The following NSMCE2 variants were observed in gnomAD, a reference collection of about 807,000 sequenced individuals.
The protein encoded by NSMCE2 is E3 SUMO-protein ligase NSE2.
Under a neutral mutation model 23.8 loss-of-function variants are expected in NSMCE2, and 24 were observed. The ratio of observed to expected loss-of-function variants is 1.01; its 90% CI spans 0.73 to 1.42. NSMCE2 has a LOEUF of 1.42. Ranked by LOEUF, NSMCE2 falls within the 40% of genes most tolerant of loss-of-function variation. The pLI, the probability that NSMCE2 is intolerant of heterozygous loss-of-function variation, is 0.00. For synonymous variants in NSMCE2, 92 were observed against 94.1 expected, an observed-to-expected ratio of 0.98 and a Z score of 0.13; for missense variants, 284 against 296.5, an observed-to-expected ratio of 0.96 and a Z score of 0.31.
chr8:125,205,616 A>G (rs192714550), intron 5 of NSMCE2, among the ~76,000 whole-genome samples: 1 of 152,190 alleles, frequency 6.6e-6, no homozygotes, highest in Non-Finnish European at 1.5e-5. Flanking sequence ...ATCTTACTCC[A>G]TTTTCAGAAT....
At chr8:125,318,192 T>C (rs771805636) in intron 5 of NSMCE2, among the ~76,000 whole-genome samples, 8 of 152,202 alleles carry the variant, frequency 5.3e-5, no homozygotes, top group Middle Eastern at 3.2e-3. Context: ...GTGCATCACT[T>C]GATCTCAGGA....
At chr8:125,348,948 A>G (rs2131345583) in intron 5 of NSMCE2, 1 of 151,750 alleles carries the variant, frequency 6.6e-6, no homozygotes, top group East Asian at 2.0e-4. Context: ...CACCAGTCCC[A>G]TGAGGAAACT....
intron 5 of NSMCE2, among the ~76,000 whole-genome samples, chr8:125,275,460 A>G (rs1827413020): frequency 6.6e-6 from 1 of 152,272 alleles, no homozygotes; most frequent in Admixed American, 6.5e-5. Context: ...TCCAGCAGGT[A>G]AGAACGTGCC....
chr8:125,177,166 T>A (rs1822539983), intron 4 of NSMCE2, among the ~76,000 whole-genome samples: 1 of 152,216 alleles, frequency 6.6e-6, no homozygotes, highest in South Asian at 2.1e-4. Flanking sequence ...AGAATAAAAG[T>A]TTTTGATCAT....
chr8:125,219,742 G>A (rs1016812505), intron 5 of NSMCE2, among the ~76,000 whole-genome samples: 1 of 152,166 alleles, frequency 6.6e-6, no homozygotes, highest in Non-Finnish European at 1.5e-5. Context: ...TTAATAAAAT[G>A]TCACTGAAGT....
intron 5 of NSMCE2, among the ~76,000 whole-genome samples, chr8:125,213,239 C>T (rs142368781): frequency 1.3e-5 from 2 of 152,206 alleles, no homozygotes; most frequent in Admixed American, 1.3e-4. Context: ...CAAAATGAAT[C>T]GTGCCATTGG....
At chr8:125,205,425 A>G (rs1379807445) in intron 5 of NSMCE2, among the ~76,000 whole-genome samples, 1 of 152,202 alleles carries the variant, frequency 6.6e-6, no homozygotes, top group Non-Finnish European at 1.5e-5. Context: ...CTCATAATCT[A>G]ATATTTGACA....
intron 5 of NSMCE2, among the ~76,000 whole-genome samples, chr8:125,249,183 A>T (rs565666092): frequency 1.3e-5 from 2 of 152,216 alleles, no homozygotes; most frequent in South Asian, 4.2e-4. Flanking sequence ...AAAAAAAAAA[A>T]AATAGGCAGA....
rs373452171 is a variant in NSMCE2, at chr8:125,317,078, C to G, written c.419-40141C>G. Among the ~76,000 whole-genome samples the G allele has an allele frequency of 5.2e-4, 78 of 151,276 alleles. No homozygotes were observed. The East Asian group carries it at 0.012, about 23-fold the overall frequency. ...GCTGGGATTCCAGGCTGGCTCACCACTCCTGGCCTATTGTTTCTGATTTCA... is the reference window on the plus strand; with the variant it reads ...GCTGGGATTCCAGGCTGGCTCACCAGTCCTGGCCTATTGTTTCTGATTTCA... On this transcript the variant is annotated intron_variant, in intron 5 of 7. Coordinates refer to ENST00000287437, the MANE Select transcript of NSMCE2 (RefSeq NM_173685.4).
At chr8:125,337,441 C>A (rs76209931) in intron 5 of NSMCE2, among the ~76,000 whole-genome samples, 7,692 of 152,326 alleles carry the variant, frequency 0.05, 270 homozygotes, top group Middle Eastern at 0.082. Context: ...GCAATTATCT[C>A]TGTTGCTCAA....
intron 5 of NSMCE2, among the ~76,000 whole-genome samples, chr8:125,247,094 G>A (rs1826009931): frequency 6.6e-6 from 1 of 151,824 alleles, no homozygotes; most frequent in African/African-American, 2.4e-5. Flanking sequence ...TTGGGAGGCT[G>A]AGTGGGGCAG....
At chr8:125,195,564 C>T (rs992248089) in intron 5 of NSMCE2, among the ~76,000 whole-genome samples, 2 of 152,066 alleles carry the variant, frequency 1.3e-5, no homozygotes, top group Non-Finnish European at 2.9e-5. Flanking sequence ...TATCTCAGAG[C>T]CTCATTTTGA....
chr8:125,117,500 T>C (rs1398377342), intron 3 of NSMCE2, among the ~76,000 whole-genome samples: 1 of 152,228 alleles, frequency 6.6e-6, no homozygotes, highest in Non-Finnish European at 1.5e-5. Flanking sequence ...ATGCGTTTTC[T>C]TTGTTCCATG....
intron 5 of NSMCE2, among the ~76,000 whole-genome samples, chr8:125,202,151 C>T (rs970711939): frequency 5.9e-5 from 9 of 152,364 alleles, no homozygotes; most frequent in African/African-American, 1.4e-4. Context: ...AAGGGAAATC[C>T]TCTGGCCCCT....
At chr8:125,285,091 A>G (rs1240425717) in intron 5 of NSMCE2, among the ~76,000 whole-genome samples, 2 of 152,254 alleles carry the variant, frequency 1.3e-5, no homozygotes, top group African/African-American at 4.8e-5. Context: ...ACAAAGTATC[A>G]GTTGAACTAG....
intron 5 of NSMCE2, among the ~76,000 whole-genome samples, chr8:125,307,546 CTTG>C (rs1388410774): frequency 6.6e-6 from 1 of 152,218 alleles, no homozygotes; most frequent in East Asian, 1.9e-4. Flanking sequence ...GATTTTACAC[CTTG>C]TTGTGAAGCC....
chr8:125,224,133 G>A (rs557829088), intron 5 of NSMCE2, among the ~76,000 whole-genome samples: 1 of 152,220 alleles, frequency 6.6e-6, no homozygotes, highest in East Asian at 1.9e-4. Flanking sequence ...ACCATGCCCA[G>A]TCCTTTGCCC....
chr8:125,328,754 A>T (rs565951774), intron 5 of NSMCE2, among the ~76,000 whole-genome samples: 1 of 152,064 alleles, frequency 6.6e-6, no homozygotes, highest in East Asian at 1.9e-4. Flanking sequence ...CATCCCTGTC[A>T]TCTGGGTCTC....
intron 5 of NSMCE2, among the ~76,000 whole-genome samples, chr8:125,260,646 A>T (rs563155018): frequency 6.6e-6 from 1 of 150,906 alleles, no homozygotes; most frequent in South Asian, 2.1e-4. Context: ...CTTTTTTGAG[A>T]TGGAGTCTTG....
Sources: allele counts gnomAD v4.1 joint callset (sites outside exome capture counted in the v4.1 genomes callset), GRCh38; gene constraint gnomAD v4.1.1; transcripts MANE v1.5; gene names NCBI Gene and HGNC (gene_info 2026-07-23, HGNC 2026-07-21).